Variants in STAG1 observed in about 807,000 individuals in gnomAD.
STAG1 encodes cohesin subunit SA-1.
A neutral mutation model predicts 170.9 loss-of-function variants in STAG1; 26 were observed. That is an observed-to-expected ratio of 0.15 (90% CI 0.11 to 0.21). The LOEUF (loss-of-function observed/expected upper bound fraction) is 0.21. STAG1 is among the 10% of genes least tolerant of loss of function. The probability of loss-of-function intolerance (pLI) is 1.00; values close to 1 mark genes in which losing one functional copy is unlikely to be tolerated. For missense variants in STAG1, 964 were observed against 1,509.5 expected, an observed-to-expected ratio of 0.64 and a Z score of 5.99; for synonymous variants, 514 against 497.7, an observed-to-expected ratio of 1.03 and a Z score of -0.44.
chr3:136,562,726 T>A (rs962700239), intron 5 of STAG1, among the ~76,000 whole-genome samples: 1 of 152,146 alleles, frequency 6.6e-6, no homozygotes, highest in Non-Finnish European at 1.5e-5. Flanking sequence ...TAGCTGGGAT[T>A]GCAGGCGCCT....
intron 12 of STAG1, among the ~76,000 whole-genome samples, chr3:136,470,030 C>A (rs182240632): frequency 6.6e-6 from 1 of 152,238 alleles, no homozygotes; most frequent in Non-Finnish European, 1.5e-5. Context: ...ACCATAAAAA[C>A]CCTAGAAGAA....
chr3:136,432,526 G>GT (rs2088337737), intron 16 of STAG1, among the ~76,000 whole-genome samples: 1 of 139,564 alleles, frequency 7.2e-6, no homozygotes, highest in South Asian at 2.5e-4. Flanking sequence ...GGGGGGGGGG[G>GT]GCACAGAGTC....
chr3:136,628,505 A>AT (rs1431381588), intron 2 of STAG1, among the ~76,000 whole-genome samples: 3 of 152,180 alleles, frequency 2.0e-5, no homozygotes, highest in African/African-American at 4.8e-5. Flanking sequence ...GCCTTCAAAC[A>AT]TATCGCAGGG....
At chr3:136,456,166 C>A (rs926353027) in intron 13 of STAG1, among the ~76,000 whole-genome samples, 8 of 152,026 alleles carry the variant, frequency 5.3e-5, no homozygotes, top group African/African-American at 1.9e-4. Context: ...AGCAACAGAT[C>A]CAGAAAAACT....
Position 136,424,532 on chromosome 3 carries a change from A to T in STAG1, c.1651-1488T>A, listed in dbSNP as rs112133526. 3.3e-5 allele frequency among the ~76,000 whole-genome samples: 5 copies of T among 151,824 alleles called. 1 individual carries two copies. The highest frequency in any genetic ancestry group is 1.2e-4 in the African/African-American group (5 of 41,366). On this transcript the variant is annotated intron_variant, in intron 16 of 33. Transcript: ENST00000383202. ...GTATTTTTGGTAGAGACGGGTTTTC[A>T]CCATATTGGCCAGGCTGGTCCAACT...
chr3:136,611,184 T>C (rs779660275), intron 3 of STAG1, among the ~76,000 whole-genome samples: 1 of 152,162 alleles, frequency 6.6e-6, no homozygotes, highest in African/African-American at 2.4e-5. Flanking sequence ...AGTTTCACTC[T>C]TGCCGCCCAG....
chr3:136,478,510 G>T (rs888482632), intron 9 of STAG1, among the ~76,000 whole-genome samples: 3 of 151,972 alleles, frequency 2.0e-5, no homozygotes, highest in Non-Finnish European at 4.4e-5. Flanking sequence ...CAATCTTCAA[G>T]GTTTCTGATT....
chr3:136,369,350 AATGT>A, intron 23 of STAG1, 68 bp from the exon 24 acceptor site: 1 of 1,287,902 alleles, frequency 7.8e-7, no homozygotes, highest in Non-Finnish European at 1.0e-6. Flanking sequence ...CATTAATGAA[AATGT>A]ATGAAATTAA....
At chr3:136,613,154 A>T (rs1939387561) in intron 3 of STAG1, among the ~76,000 whole-genome samples, 1 of 151,886 alleles carries the variant, frequency 6.6e-6, no homozygotes, top group South Asian at 2.1e-4. Context: ...ATACAAAAAA[A>T]ATTAGCCAGG....
chr3:136,529,040 G>C (rs1935225121), intron 6 of STAG1, among the ~76,000 whole-genome samples: 2 of 151,988 alleles, frequency 1.3e-5, no homozygotes, highest in African/African-American at 4.8e-5. Context: ...ACATTTGCAA[G>C]CTTCAACAAA....
chr3:136,364,603 C>T (rs952016321), intron 25 of STAG1, among the ~76,000 whole-genome samples: 2 of 152,166 alleles, frequency 1.3e-5, no homozygotes, highest in Non-Finnish European at 2.9e-5. Context: ...CCCCCATCAA[C>T]ATGTCTATAT....
At chr3:136,534,342 G>C (rs1327107196) in intron 6 of STAG1, among the ~76,000 whole-genome samples, 2 of 152,022 alleles carry the variant, frequency 1.3e-5, no homozygotes, top group African/African-American at 4.8e-5. Flanking sequence ...CACTGGTCTA[G>C]GCAAATAATT....
chr3:136,542,246 A>G lies in STAG1; in HGVS notation c.395-51T>C, dbSNP rs535145323. Reference sequence around the variant, plus strand: ...ATCTTTCAATTAATCTTTCAGATCAATTTCCACTCTCTCAAGCATTAACAA... The same window carrying G: ...ATCTTTCAATTAATCTTTCAGATCAGTTTCCACTCTCTCAAGCATTAACAA... On this transcript the variant is annotated intron_variant, in intron 5 of 33. Transcript: ENST00000383202. The G allele has an allele frequency of 8.2e-6, 11 of 1,348,520 alleles. No homozygotes were observed. In the Admixed American group the frequency reaches 1.5e-4, roughly 19 times the overall value. The allele number at this position is 1,348,520 out of a possible 1,614,324, so 83.5% of individuals were successfully genotyped here.
chr3:136,751,925 G>A (rs1309649010), intron 1 of STAG1, among the ~76,000 whole-genome samples: 1 of 150,858 alleles, frequency 6.6e-6, no homozygotes, highest in East Asian at 1.9e-4. Flanking sequence ...CGCGGGAGGG[G>A]TGGCAAGCGA....
chr3:136,412,054 G>A (rs147429283), intron 21 of STAG1, among the ~76,000 whole-genome samples: 64 of 151,970 alleles, frequency 4.2e-4, no homozygotes, highest in Non-Finnish European at 1.2e-4. Context: ...AAAATCTAAC[G>A]TACATAGGAA....
intron 5 of STAG1, among the ~76,000 whole-genome samples, chr3:136,563,699 C>T (rs996407696): frequency 1.1e-4 from 16 of 149,690 alleles, no homozygotes; most frequent in African/African-American, 3.9e-4. Flanking sequence ...AGATATTATT[C>T]TGCAATTTGT....
rs1052124778 is a variant in STAG1, at chr3:136,630,995, A to G, written c.-83-14T>C. 2 of 1,168,822 alleles carry G rather than the reference A, an allele frequency of 1.7e-6. No homozygotes were observed. The highest frequency in any genetic ancestry group is 1.6e-5 in the African/African-American group (1 of 63,890). 72.4% of individuals were successfully genotyped at this position (1,168,822 alleles called of 1,614,324 possible). ...TCAAAGGCAATCCTGTCAATTAAAA[A>G]AAAGAAATTATTTTAAAATAAAATG... On this transcript the variant is annotated splice_polypyrimidine_tract_variant and intron_variant, in intron 1 of 33. Transcript: ENST00000383202.
intron 1 of STAG1, among the ~76,000 whole-genome samples, chr3:136,649,479 A>AAAAAAC (rs1274158186): frequency 6.6e-6 from 1 of 150,634 alleles, no homozygotes; most frequent in African/African-American, 2.5e-5. Flanking sequence ...ACTCCATCTC[A>AAAAAAC]AAAAACAAAA....
At chr3:136,405,823 G>GAAAAAAAAAAAAAAAAAAAAAAAAAAAA (rs2087467623) in intron 21 of STAG1, among the ~76,000 whole-genome samples, 4 of 78,078 alleles carry the variant, frequency 5.1e-5, no homozygotes, top group Non-Finnish European at 5.3e-5. Flanking sequence ...AAAAAAAAAG[G>GAAAAAAAAAAAAAAAAAAAAAAAAAAAA]AAAAATGTTA....
Sources: gnomAD v4.1 joint callset for allele counts (sites outside exome capture counted in the v4.1 genomes callset) on GRCh38, gnomAD v4.1.1 for gene constraint, MANE v1.5 for transcripts, NCBI Gene and HGNC (gene_info 2026-07-23, HGNC 2026-07-21) for gene names.